Variants in SOX5 observed in about 807,000 individuals in gnomAD.
The protein encoded by SOX5 is transcription factor SOX-5.
SOX5 carries 9 observed loss-of-function variants against 92.0 expected under a neutral mutation model. That is an observed-to-expected ratio of 0.10 (90% CI 0.06 to 0.17). SOX5 has a LOEUF of 0.17. Ranked by LOEUF, SOX5 falls within the 10% of genes least tolerant of loss-of-function variation. The pLI, the probability that SOX5 is intolerant of heterozygous loss-of-function variation, is 1.00. For synonymous variants in SOX5, 344 were observed against 336.3 expected (o/e 1.02, Z -0.25); for missense variants, 642 against 944.5 (o/e 0.68, Z 4.20).
chr12:24,014,556 T>C (rs1445524345), intron 4 of SOX5, among the ~76,000 whole-genome samples: 1 of 152,198 alleles, frequency 6.6e-6, no homozygotes, highest in African/African-American at 2.4e-5. Context: ...GTACAACAAA[T>C]GCAACTTGAA....
chr12:24,403,831 GA>G (rs1317572251), intron 1 of SOX5, among the ~76,000 whole-genome samples: 1 of 152,154 alleles, frequency 6.6e-6, no homozygotes, highest in African/African-American at 2.4e-5. Flanking sequence ...ATTTTGGCAA[GA>G]AAAATCTTAT....
intron 2 of SOX5, among the ~76,000 whole-genome samples, chr12:24,311,120 C>T (rs1949129131): frequency 6.6e-6 from 1 of 152,168 alleles, no homozygotes; most frequent in African/African-American, 2.4e-5. Flanking sequence ...GACGGTCCTG[C>T]CCCATGGGGG....
chr12:23,867,107 C>G (rs544183810), intron 2 of SOX5, among the ~76,000 whole-genome samples: 2 of 152,012 alleles, frequency 1.3e-5, no homozygotes, highest in Non-Finnish European at 2.9e-5. Context: ...ATTATATGTT[C>G]TCAATAAATA....
At chr12:24,157,358 GA>G (rs1952289719) in intron 4 of SOX5, among the ~76,000 whole-genome samples, 1 of 152,046 alleles carries the variant, frequency 6.6e-6, no homozygotes, top group Non-Finnish European at 1.5e-5. Context: ...CAAGGTAGGT[GA>G]AATACCTTTA....
At chr12:24,233,213 T>A (rs1175075750) in intron 3 of SOX5, among the ~76,000 whole-genome samples, 2 of 152,012 alleles carry the variant, frequency 1.3e-5, no homozygotes, top group African/African-American at 2.4e-5. Context: ...AATGTTTAAA[T>A]AAATGCAAGA....
At chr12:24,483,251 A>G (rs1419152746) in intron 1 of SOX5, among the ~76,000 whole-genome samples, 5 of 152,200 alleles carry the variant, frequency 3.3e-5, no homozygotes. Context: ...TACCCAAAAC[A>G]ATACAAAAGA....
chr12:24,485,788 G>C (rs1946458393), intron 1 of SOX5, among the ~76,000 whole-genome samples: 1 of 151,970 alleles, frequency 6.6e-6, no homozygotes, highest in African/African-American at 2.4e-5. Flanking sequence ...TTTTCCATCT[G>C]ACAAAAACAT....
chr12:23,793,304 G>A (rs781769642), intron 3 of SOX5, among the ~76,000 whole-genome samples: 7 of 151,964 alleles, frequency 4.6e-5, no homozygotes, highest in East Asian at 3.9e-4. Flanking sequence ...GTGCCTACTC[G>A]GTGACATACA....
intron 9 of SOX5, among the ~76,000 whole-genome samples, chr12:23,576,765 CATT>C (rs1349798214): frequency 2.0e-5 from 3 of 151,974 alleles, no homozygotes; most frequent in East Asian, 3.9e-4. Context: ...ATAATATTAA[CATT>C]ATATCACTTT....
At chr12:23,539,797 TA>T (rs1941523695) in intron 13 of SOX5, among the ~76,000 whole-genome samples, 1 of 152,030 alleles carries the variant, frequency 6.6e-6, no homozygotes, top group Non-Finnish European at 1.5e-5. Context: ...AATATGGCCA[TA>T]TAATAATTCC....
rs149166688 is a variant in SOX5 at position 24,236,666 on chromosome 12, G to T, written c.-76-23249C>A. Among the ~76,000 whole-genome samples the T allele has an allele frequency of 6.8e-4, 104 of 152,334 alleles. No homozygotes were observed. In the East Asian group the frequency reaches 0.019, roughly 27 times the overall value. ...AGGGAAAGATTATAAGCAAGAAGCAGAGTTGAATTCAAATTTGCAAAGCAC... is the reference window on the plus strand; with the variant it reads ...AGGGAAAGATTATAAGCAAGAAGCATAGTTGAATTCAAATTTGCAAAGCAC... On this transcript the variant is annotated intron_variant, in intron 3 of 4. Transcript: ENST00000446891.
At chr12:24,290,702 T>A (rs980904521) in intron 2 of SOX5, among the ~76,000 whole-genome samples, 4 of 152,122 alleles carry the variant, frequency 2.6e-5, no homozygotes, top group African/African-American at 9.7e-5. Context: ...GGACTCACGC[T>A]ATAAAGAGGG....
At chr12:24,352,233 T>C (rs932354525) in intron 2 of SOX5, among the ~76,000 whole-genome samples, 1 of 152,250 alleles carries the variant, frequency 6.6e-6, no homozygotes, top group Non-Finnish European at 1.5e-5. Context: ...ACTGACTAGC[T>C]ACATGGGAAA....
intron 3 of SOX5, among the ~76,000 whole-genome samples, chr12:24,276,083 A>C (rs1318164841): frequency 1.3e-5 from 2 of 151,910 alleles, no homozygotes; most frequent in Non-Finnish European, 2.9e-5. Flanking sequence ...TCAGTTTGTC[A>C]TTTGCCTTTT....
intron 3 of SOX5, among the ~76,000 whole-genome samples, chr12:23,782,993 C>T (rs1170956475): frequency 6.6e-6 from 1 of 152,050 alleles, no homozygotes; most frequent in Non-Finnish European, 1.5e-5. Flanking sequence ...AGCACACTGC[C>T]GTACCTGTGA....
chr12:24,297,717 G>A (rs1455536503), intron 2 of SOX5, among the ~76,000 whole-genome samples: 2 of 152,196 alleles, frequency 1.3e-5, no homozygotes, highest in Admixed American at 6.5e-5. Context: ...GCATCTGTGG[G>A]TCTGGAACTG....
intron 9 of SOX5, among the ~76,000 whole-genome samples, chr12:23,591,020 T>C (rs1951459593): frequency 6.6e-6 from 1 of 152,036 alleles, no homozygotes; most frequent in Non-Finnish European, 1.5e-5. Flanking sequence ...GACTCAAACA[T>C]ATTTTGAAAA....
chr12:24,355,138 T>A (rs533838039), intron 2 of SOX5, among the ~76,000 whole-genome samples: 1 of 152,166 alleles, frequency 6.6e-6, no homozygotes, highest in East Asian at 1.9e-4. Flanking sequence ...TAAATGAAAA[T>A]GTCAGAAATC....
intron 4 of SOX5, among the ~76,000 whole-genome samples, chr12:24,008,761 G>C (rs1268335896): frequency 6.6e-6 from 1 of 152,070 alleles, no homozygotes; most frequent in Non-Finnish European, 1.5e-5. Flanking sequence ...CACTTAACAG[G>C]GTAGGTGGTA....
Sources: allele counts gnomAD v4.1 joint callset (sites outside exome capture counted in the v4.1 genomes callset), GRCh38; gene constraint gnomAD v4.1.1; transcripts MANE v1.5; gene names NCBI Gene and HGNC (gene_info 2026-07-23, HGNC 2026-07-21).